The following EML1 variants were observed in gnomAD, a reference collection of about 807,000 sequenced individuals.
EML1 encodes EMAP like 1.
Under a neutral mutation model 110.4 loss-of-function variants are expected in EML1, and 27 were observed. The observed-to-expected ratio is 0.24, with a 90% CI of 0.18 to 0.34. EML1 has a LOEUF of 0.34. Among genes scored for constraint, EML1 ranks in the 10% least tolerant of loss-of-function variants. The pLI is 1.00. For missense variants in EML1, 741 were observed against 1,030.9 expected (o/e 0.72, Z 3.85); for synonymous variants, 344 against 385.8 (o/e 0.89, Z 1.27).
intron 1 of EML1, among the ~76,000 whole-genome samples, chr14:99,815,850 A>G (rs1162224274): frequency 6.6e-6 from 1 of 152,134 alleles, no homozygotes; most frequent in Non-Finnish European, 1.5e-5. Context: ...TGCTTACGAG[A>G]TGAGCATCTT....
At chr14:99,754,685 G>A (rs749808926) in intron 1 of EML1, among the ~76,000 whole-genome samples, 2 of 152,202 alleles carry the variant, frequency 1.3e-5, no homozygotes, top group African/African-American at 2.4e-5. Flanking sequence ...CCGGCACAGG[G>A]CAGAGAGCAC....
chr14:99,932,063 G>A (rs1334893252), intron 17 of EML1, among the ~76,000 whole-genome samples: 1 of 152,184 alleles, frequency 6.6e-6, no homozygotes, highest in Non-Finnish European at 1.5e-5. Context: ...CTAAGGACGT[G>A]GAAACCTGGG....
chr14:99,804,709 A>G (rs1041250326), intron 1 of EML1, among the ~76,000 whole-genome samples: 5 of 152,252 alleles, frequency 3.3e-5, no homozygotes, highest in African/African-American at 4.8e-5. Flanking sequence ...TTACAAGTGC[A>G]GAGCAAAGGC....
intron 1 of EML1, chr14:99,839,221 AC>A (rs1156768324): frequency 6.6e-6 from 1 of 151,988 alleles, no homozygotes; most frequent in Non-Finnish European, 1.5e-5. Context: ...TTCTGTACTC[AC>A]CTGTGTTTTG....
chr14:99,840,891 T>C lies in EML1; in HGVS notation c.68-9962T>C, dbSNP rs114184989. Among the ~76,000 whole-genome samples, 15 of 152,176 alleles carry C rather than the reference T, an allele frequency of 9.9e-5. 1 individual carries two copies. Among genetic ancestry groups the C allele is most frequent in the Non-Finnish European group, 2.1e-4 (14 of 68,034 alleles). ...CTGTTTTTTACAGTAAGAGAAAAAGTAATTAAACTTCAAAGTCAGATCTGT... is the reference window on the plus strand; with the variant it reads ...CTGTTTTTTACAGTAAGAGAAAAAGCAATTAAACTTCAAAGTCAGATCTGT... On this transcript the variant is annotated intron_variant, in intron 1 of 21. Coordinates refer to ENST00000262233, the MANE Select transcript of EML1 (RefSeq NM_004434.3).
At chr14:99,891,484 A>T (rs974793273) in intron 5 of EML1, among the ~76,000 whole-genome samples, 3 of 152,230 alleles carry the variant, frequency 2.0e-5, no homozygotes, top group Non-Finnish European at 2.9e-5. Context: ...AGTAAGGAGG[A>T]GAGTGGAATG....
At chr14:99,809,995 G>C (rs768952795) in intron 1 of EML1, among the ~76,000 whole-genome samples, 4 of 152,204 alleles carry the variant, frequency 2.6e-5, no homozygotes, top group Non-Finnish European at 5.9e-5. Context: ...CAGCCGAGCC[G>C]GCCCTGTACC....
intron 4 of EML1, among the ~76,000 whole-genome samples, chr14:99,884,943 G>A (rs955498015): frequency 6.6e-6 from 1 of 152,146 alleles, no homozygotes; most frequent in Admixed American, 6.5e-5. Context: ...GCCTCCCCTG[G>A]CTCTCTAGTC....
Position 99,782,193 on chromosome 14 carries a change from T to C in EML1, c.-27+8180T>C, listed in dbSNP as rs117642848. On this transcript the variant is annotated intron_variant, in intron 1 of 22. Coordinates refer to the EML1 transcript ENST00000327921. ...CACCTCTCTCTTATTCCATCTTCCA[T>C]TGAAGAGGTGGCTGCTCAAAGTAGA... Among the ~76,000 whole-genome samples the C allele has an allele frequency of 6.0e-3, 896 of 149,720 alleles. 5 individuals carry two copies. Among genetic ancestry groups the C allele is most frequent in the Non-Finnish European group, 7.2e-3 (485 of 67,474 alleles).
intron 1 of EML1, among the ~76,000 whole-genome samples, chr14:99,752,653 C>T (rs191731794): frequency 1.3e-5 from 2 of 152,198 alleles, no homozygotes; most frequent in East Asian, 1.9e-4. Flanking sequence ...ACTCAGCTGC[C>T]GCCACGGGGC....
chr14:99,790,865 C>CTTTTTTTTTTTTTTTTTTTTTTT (rs763959981), upstream of EML1, among the ~76,000 whole-genome samples: 4 of 138,480 alleles, frequency 2.9e-5, no homozygotes, highest in Non-Finnish European at 4.6e-5. Context: ...TTTTTCTTTT[C>CTTTTTTTTTTTTTTTTTTTTTTT]CTTTTTTTTT....
intron 1 of EML1, among the ~76,000 whole-genome samples, chr14:99,804,860 C>T (rs1349588277): frequency 3.9e-5 from 6 of 152,154 alleles, no homozygotes; most frequent in Non-Finnish European, 7.4e-5. Flanking sequence ...CGGAAGTTCC[C>T]CATGACTCTT....
chr14:99,906,545 T>C (rs1238232995), intron 9 of EML1, among the ~76,000 whole-genome samples: 1 of 152,154 alleles, frequency 6.6e-6, no homozygotes, highest in African/African-American at 2.4e-5. Context: ...CATCTTGGTT[T>C]TGGTGGGATT....
intron 1 of EML1, among the ~76,000 whole-genome samples, chr14:99,756,100 A>G (rs1262817871): frequency 6.6e-6 from 1 of 152,192 alleles, no homozygotes; most frequent in East Asian, 1.9e-4. Context: ...TGCAGCCAAG[A>G]AGGGGAGTTG....
At chr14:99,886,550 A>G (rs1320700321) in intron 4 of EML1, among the ~76,000 whole-genome samples, 1 of 152,192 alleles carries the variant, frequency 6.6e-6, no homozygotes, top group Non-Finnish European at 1.5e-5. Context: ...GGGAAATCAC[A>G]TGTTTAACTT....
intron 1 of EML1, among the ~76,000 whole-genome samples, chr14:99,782,115 G>A (rs2057546368): frequency 6.6e-6 from 1 of 152,082 alleles, no homozygotes; most frequent in Non-Finnish European, 1.5e-5. Context: ...TGCATGCTTG[G>A]GTAGAATCTG....
intron 1 of EML1, among the ~76,000 whole-genome samples, chr14:99,741,729 C>T (rs2057044869): frequency 1.3e-5 from 2 of 152,186 alleles, no homozygotes; most frequent in South Asian, 4.2e-4. Flanking sequence ...TCAGTTTCTC[C>T]TAGAAGGCCT....
intron 4 of EML1, among the ~76,000 whole-genome samples, chr14:99,883,937 G>A (rs1282116686): frequency 6.6e-6 from 1 of 152,180 alleles, no homozygotes; most frequent in Non-Finnish European, 1.5e-5. Context: ...GAATCTTTTT[G>A]CCCTGATCAC....
intron 2 of EML1, among the ~76,000 whole-genome samples, chr14:99,857,459 C>G (rs965093393): frequency 1.3e-5 from 2 of 152,052 alleles, no homozygotes. Context: ...AAAACTGACC[C>G]TTTTAAAATG....
Sources: gnomAD v4.1 joint callset for allele counts (sites outside exome capture counted in the v4.1 genomes callset) on GRCh38, gnomAD v4.1.1 for gene constraint, MANE v1.5 for transcripts, NCBI Gene and HGNC (gene_info 2026-07-23, HGNC 2026-07-21) for gene names.